Variants in NALCN observed in about 807,000 individuals in gnomAD.
NALCN encodes the protein sodium leak channel, non-selective, also known as sodium leak channel NALCN.
NALCN carries 111 observed loss-of-function variants against 225.3 expected under a neutral mutation model. That is an observed-to-expected ratio of 0.49 (90% CI 0.42 to 0.58). The LOEUF (loss-of-function observed/expected upper bound fraction) is 0.58. NALCN is among the 20% of genes least tolerant of loss of function. The pLI is 0.00. For synonymous variants in NALCN, 764 were observed against 769.0 expected (o/e 0.99, Z 0.11); for missense variants, 1,378 against 2,202.4 (o/e 0.63, Z 7.49).
At chr13:101,240,766 T>A (rs930820685) in intron 11 of NALCN, among the ~76,000 whole-genome samples, 2 of 152,184 alleles carry the variant, frequency 1.3e-5, no homozygotes, top group Non-Finnish European at 2.9e-5. Context: ...CTTTTCTTCC[T>A]ATTCTCCTTC....
rs947304842 is a variant in NALCN, at chr13:101,387,048, C to T, written c.291+8135G>A. Among the ~76,000 whole-genome samples, 4 of 150,618 alleles carry T rather than the reference C, an allele frequency of 2.7e-5. No individual in the cohort carries two copies. In the East Asian group the frequency reaches 7.8e-4, roughly 29 times the overall value. On this transcript the variant is annotated intron_variant, in intron 3 of 43. Coordinates refer to ENST00000251127, the MANE Select transcript of NALCN (RefSeq NM_052867.4). ...CATCCTGGCTAACAAGGTGAAACCC[C>T]GTCTCTACTAAAAATACAAAAAATT...
At chr13:101,228,680 C>T (rs753160731) in intron 13 of NALCN, among the ~76,000 whole-genome samples, 40 of 152,186 alleles carry the variant, frequency 2.6e-4, no homozygotes, top group Non-Finnish European at 5.3e-4. Context: ...ATAAATTACC[C>T]AGTTTCATCG....
Position 101,104,242 on chromosome 13 carries a change from G to A in NALCN, c.2889+53C>T. The A allele has an allele frequency of 3.2e-6, 5 of 1,547,530 alleles. No individual in the cohort carries two copies. The South Asian group carries it at 3.9e-5, about 12-fold the overall frequency. On this transcript the variant is annotated intron_variant, in intron 25 of 43. Transcript: ENST00000251127. This position sits in a 1 kb window ranked among gnomAD's most constrained non-coding sequence, Gnocchi z 4.2. Reference sequence around the variant, plus strand: ...CTTGCGCTTATACCAAGAAATGCAGGAGATTTTACAAAACCATTACATTTT... The same window carrying A: ...CTTGCGCTTATACCAAGAAATGCAGAAGATTTTACAAAACCATTACATTTT...
intron 11 of NALCN, among the ~76,000 whole-genome samples, chr13:101,255,819 C>A (rs1462726323): frequency 6.6e-6 from 1 of 152,164 alleles, no homozygotes; most frequent in Non-Finnish European, 1.5e-5. Flanking sequence ...CCCTTTCCAG[C>A]CCTTTCTAGT....
intron 7 of NALCN, 72 bp downstream of exon 7, chr13:101,345,190 ATTAT>A: frequency 1.4e-6 from 2 of 1,419,666 alleles, no homozygotes; most frequent in Non-Finnish European, 1.9e-6. Flanking sequence ...ATTAGTATCA[ATTAT>A]TTAATTATTC....
chr13:101,345,245 T>C lies in NALCN; in HGVS notation c.799+21A>G, dbSNP rs1172247257. On this transcript the variant is annotated intron_variant, in intron 7 of 43. Coordinates refer to ENST00000251127, the MANE Select transcript of NALCN (RefSeq NM_052867.4). ...CATCACAAAATAGAAACTTAAAACG[T>C]ATTTTACCAGTAAGACAGACCTATC... 12 of 1,603,950 alleles carry C rather than the reference T, an allele frequency of 7.5e-6. No homozygotes were observed. The Middle Eastern group carries it at 5.0e-4, about 67-fold the overall frequency.
intron 14 of NALCN, among the ~76,000 whole-genome samples, chr13:101,178,179 C>T (rs576210290): frequency 6.6e-6 from 1 of 152,194 alleles, no homozygotes; most frequent in African/African-American, 2.4e-5. Flanking sequence ...AGTCTACCTT[C>T]CCCTGTCTTG....
At chr13:101,278,225 T>C (rs1363729882) in intron 10 of NALCN, among the ~76,000 whole-genome samples, 1 of 152,148 alleles carries the variant, frequency 6.6e-6, no homozygotes, top group Non-Finnish European at 1.5e-5. Flanking sequence ...CTCATTAACA[T>C]ACAATTAGTT....
intron 15 of NALCN, among the ~76,000 whole-genome samples, chr13:101,170,346 C>T (rs1180272872): frequency 6.6e-6 from 1 of 152,092 alleles, no homozygotes; most frequent in Admixed American, 6.5e-5. Flanking sequence ...TTTCCTCCAC[C>T]TTTTTGTTCT....
At chr13:101,347,140 T>TACACACAA (rs2045765348) in intron 6 of NALCN, among the ~76,000 whole-genome samples, 1 of 149,428 alleles carries the variant, frequency 6.7e-6, no homozygotes, top group South Asian at 2.1e-4. Context: ...TACATAGTTT[T>TACACACAA]ACACACACAC....
chr13:101,112,418 G>GA (rs531339581), intron 18 of NALCN, among the ~76,000 whole-genome samples: 6 of 151,714 alleles, frequency 4.0e-5, no homozygotes, highest in East Asian at 1.9e-4. Flanking sequence ...ATTTTGGTGA[G>GA]AAAAAAAAAT....
At chr13:101,220,886 G>A (rs1243144439) in intron 13 of NALCN, among the ~76,000 whole-genome samples, 1 of 151,862 alleles carries the variant, frequency 6.6e-6, no homozygotes, top group East Asian at 1.9e-4. Flanking sequence ...GCCCAGTTGT[G>A]TCATCTTTGT....
intron 6 of NALCN, among the ~76,000 whole-genome samples, chr13:101,350,965 A>G (rs2045890806): frequency 6.6e-6 from 1 of 152,314 alleles, no homozygotes; most frequent in South Asian, 2.1e-4. Context: ...ATCTCTTTAT[A>G]TCTGTATCTG....
chr13:101,329,645 C>T (rs556072495), intron 7 of NALCN, among the ~76,000 whole-genome samples: 330 of 152,210 alleles, frequency 2.2e-3, no homozygotes, highest in African/African-American at 7.6e-3. Context: ...TAATAAAATG[C>T]ATTTTATATA....
chr13:101,343,977 A>G (rs1376578684), intron 7 of NALCN, among the ~76,000 whole-genome samples: 2 of 152,206 alleles, frequency 1.3e-5, no homozygotes, highest in Admixed American at 6.5e-5. Flanking sequence ...ACCACTCTCC[A>G]TAGAAGACAT....
At chr13:101,374,277 T>G (rs952040649) in intron 6 of NALCN, among the ~76,000 whole-genome samples, 1 of 145,786 alleles carries the variant, frequency 6.9e-6, no homozygotes, top group Admixed American at 6.8e-5. Context: ...TCTTTCTTTT[T>G]TTTTTTTTTT....
chr13:101,224,152 C>T (rs1450573894), intron 13 of NALCN, among the ~76,000 whole-genome samples: 1 of 152,168 alleles, frequency 6.6e-6, no homozygotes, highest in African/African-American at 2.4e-5. Flanking sequence ...CCCCTTCAGC[C>T]TTCTCTTGTG....
chr13:101,129,447 G>T lies in NALCN; in HGVS notation c.2119-4766C>A, dbSNP rs75079319. Among the ~76,000 whole-genome samples, 607 of 152,204 alleles carry T rather than the reference G, an allele frequency of 4.0e-3. 4 individuals are homozygous for T. The highest frequency in any genetic ancestry group is 0.017 in the South Asian group (82 of 4,812). On this transcript the variant is annotated intron_variant, in intron 17 of 43. Coordinates refer to ENST00000251127, the MANE Select transcript of NALCN (RefSeq NM_052867.4). ...AGTTTTTCAAGTTGGTCAGTCTGTA[G>T]GTTCTTTTTATATGACCCTCGTAGT...
intron 14 of NALCN, chr13:101,180,605 G>A (rs1224515080): frequency 3.0e-5 from 5 of 167,118 alleles, no homozygotes; most frequent in South Asian, 1.5e-4. Context: ...TGGAACTAAC[G>A]GAGACTTGTT....
Sources: allele counts gnomAD v4.1 joint callset (sites outside exome capture counted in the v4.1 genomes callset), GRCh38; gene constraint gnomAD v4.1.1; non-coding constraint Gnocchi (gnomAD v3.1); transcripts MANE v1.5; gene names NCBI Gene and HGNC (gene_info 2026-07-23, HGNC 2026-07-21).